RNF175: variants seen among roughly 807,000 people sequenced by gnomAD.
RNF175 encodes the protein ring finger protein 175.
RNF175 carries 38 observed loss-of-function variants against 50.0 expected under a neutral mutation model. The ratio of observed to expected loss-of-function variants is 0.76; its 90% CI spans 0.59 to 1.00. The LOEUF is 1.00. RNF175 is among the 50% of genes least tolerant of loss of function. RNF175 has a pLI of 0.00. For synonymous variants in RNF175, 155 were observed against 146.1 expected, an observed-to-expected ratio of 1.06 and a Z score of -0.44; for missense variants, 388 against 409.6, an observed-to-expected ratio of 0.95 and a Z score of 0.46.
chr4:153,715,444 G>T, intron 7 of RNF175, 85 bp downstream of exon 7: 1 of 1,325,072 alleles, frequency 7.5e-7, no homozygotes. Flanking sequence ...GCAAGATGGA[G>T]GAGATGGGGA....
At chr4:153,740,844 C>A (rs1739617354) in intron 3 of RNF175, among the ~76,000 whole-genome samples, 1 of 152,080 alleles carries the variant, frequency 6.6e-6, no homozygotes, top group Admixed American at 6.5e-5. Context: ...GATAAACAGG[C>A]CTTTAGTGTG....
intron 1 of RNF175, among the ~76,000 whole-genome samples, chr4:153,753,228 G>C (rs1283594149): frequency 1.3e-5 from 2 of 152,184 alleles, no homozygotes; most frequent in Non-Finnish European, 2.9e-5. Flanking sequence ...GTGGATTGCG[G>C]GCTCCTAGGG....
chr4:153,753,647 T>C (rs1459857424), intron 1 of RNF175, among the ~76,000 whole-genome samples: 3 of 151,392 alleles, frequency 2.0e-5, no homozygotes, highest in Admixed American at 6.6e-5. Context: ...AACCTCTGCC[T>C]CCCGGGTTCA....
chr4:153,717,791 T>C (rs1361510627), intron 6 of RNF175, among the ~76,000 whole-genome samples: 2 of 152,194 alleles, frequency 1.3e-5, no homozygotes, highest in Non-Finnish European at 2.9e-5. Flanking sequence ...CCCCTTTCAA[T>C]GACATTATTT....
intron 3 of RNF175, among the ~76,000 whole-genome samples, chr4:153,742,066 G>A (rs1339450858): frequency 1.3e-5 from 2 of 152,090 alleles, no homozygotes; most frequent in East Asian, 3.9e-4. Flanking sequence ...CCTGAGGTCA[G>A]GAGTTTGAAA....
chr4:153,716,383 A>G (rs181938509), intron 6 of RNF175, among the ~76,000 whole-genome samples: 3 of 152,256 alleles, frequency 2.0e-5, no homozygotes, highest in African/African-American at 7.2e-5. Context: ...TCTGGAGTAA[A>G]CCGAGGCATC....
At chr4:153,715,329 AG>A (rs760443462) in intron 7 of RNF175, 199 bp downstream of exon 7, 1 of 644,044 alleles carries the variant, frequency 1.6e-6, no homozygotes, top group Non-Finnish European at 2.8e-6. Flanking sequence ...AAATTACTGG[AG>A]GAGGAGGTTC....
intron 3 of RNF175, among the ~76,000 whole-genome samples, chr4:153,736,782 A>G (rs1269684134): frequency 6.6e-6 from 1 of 152,188 alleles, no homozygotes; most frequent in Non-Finnish European, 1.5e-5. Context: ...CATCTAATTT[A>G]TCCAAATTTG....
chr4:153,759,470 G>A (rs1264694719), intron 1 of RNF175, among the ~76,000 whole-genome samples: 1 of 152,208 alleles, frequency 6.6e-6, no homozygotes, highest in Non-Finnish European at 1.5e-5. Context: ...GGTCACAAAG[G>A]AGGGCGGGAG....
chr4:153,740,068 A>C (rs988342245), intron 3 of RNF175, among the ~76,000 whole-genome samples: 3 of 151,670 alleles, frequency 2.0e-5, no homozygotes, highest in Admixed American at 2.0e-4. Context: ...CATTTTGGGA[A>C]GTTTCTACTG....
Position 153,718,218 on chromosome 4 carries a change from G to GTTTTT in RNF175, c.630+1965_630+1966insAAAAA, listed in dbSNP as rs1560770428. ...ATTCCTTTCCTAAGGAGTTTTTTTTGTTTGTTTGTTTGTTTGTTTGTTTTT... is the reference window on the plus strand; with the variant it reads ...ATTCCTTTCCTAAGGAGTTTTTTTTGTTTTTTTTGTTTGTTTGTTTGTTTGTTTTT... On this transcript the variant is annotated intron_variant, in intron 6 of 8. Transcript: ENST00000347063. Among the ~76,000 whole-genome samples, 51 of 28,654 alleles carry GTTTTT rather than the reference G, an allele frequency of 1.8e-3. 1 individual carries two copies. Among genetic ancestry groups the GTTTTT allele is most frequent in the Non-Finnish European group, 5.8e-3 (37 of 6,424 alleles). The allele number at this position is 28,654 out of a possible 152,430, so 18.8% of individuals were successfully genotyped here. A position where few individuals can be genotyped will look rare whatever the true frequency, so the allele number is the denominator to read the frequency against.
chr4:153,715,788 G>C (rs1737879217), intron 6 of RNF175, 126 bp from the exon 7 acceptor site: 1 of 947,046 alleles, frequency 1.1e-6, no homozygotes, highest in Non-Finnish European at 1.5e-6. Context: ...CTGCGGCCGG[G>C]CATGGTGGCT....
chr4:153,719,627 C>A lies in RNF175; in HGVS notation c.630+557G>T, dbSNP rs138384014. 3.2e-4 allele frequency among the ~76,000 whole-genome samples: 49 copies of A among 152,256 alleles called. No homozygotes were observed. In the East Asian group the frequency reaches 9.1e-3, roughly 28 times the overall value. On this transcript the variant is annotated intron_variant, in intron 6 of 8. Coordinates refer to ENST00000347063, the MANE Select transcript of RNF175 (RefSeq NM_173662.4). ...GTTCAAAAAAAGAAAAGAAAAACAA[C>A]TGTTAGGGATTAAAAAAATTCTAGG...
intron 3 of RNF175, among the ~76,000 whole-genome samples, chr4:153,738,287 C>T (rs560163623): frequency 3.9e-5 from 6 of 152,056 alleles, no homozygotes; most frequent in East Asian, 1.9e-4. Flanking sequence ...TAGGCTCAAG[C>T]GATCCTCCCT....
At chr4:153,712,286 T>C (rs953525999) in intron 8 of RNF175, among the ~76,000 whole-genome samples, 189 bp downstream of exon 8, 2 of 152,208 alleles carry the variant, frequency 1.3e-5, no homozygotes, top group African/African-American at 4.8e-5. Flanking sequence ...GGCATTTAAC[T>C]TTCTAACCAG....
At chr4:153,719,542 C>G (rs1013854335) in intron 6 of RNF175, among the ~76,000 whole-genome samples, 2 of 152,124 alleles carry the variant, frequency 1.3e-5, no homozygotes, top group Non-Finnish European at 2.9e-5. Flanking sequence ...CCCCTGATAT[C>G]TGAATCAGGA....
At chr4:153,715,439 A>G in intron 7 of RNF175, 90 bp downstream of exon 7, 1 of 1,287,558 alleles carries the variant, frequency 7.8e-7, no homozygotes, top group South Asian at 1.3e-5. Context: ...GGTAAGCAAG[A>G]TGGAGGAGAT....
At chr4:153,710,522 C>G (rs1233354420) in intron 8 of RNF175, 33 bp from the exon 9 acceptor site, 1 of 1,598,048 alleles carries the variant, frequency 6.3e-7, no homozygotes, top group Non-Finnish European at 8.6e-7. Context: ...GTTCTATATA[C>G]AGCCAAGTAG....
intron 6 of RNF175, 108 bp downstream of exon 6, chr4:153,720,073 TCAG>T: frequency 9.3e-7 from 1 of 1,071,236 alleles, no homozygotes. Context: ...GAAACAATAA[TCAG>T]TATATGGAGA....
Sources: gnomAD v4.1 joint callset for allele counts (sites outside exome capture counted in the v4.1 genomes callset) on GRCh38, gnomAD v4.1.1 for gene constraint, MANE v1.5 for transcripts, NCBI Gene and HGNC (gene_info 2026-07-23, HGNC 2026-07-21) for gene names.